Variants in ACOXL observed in about 807,000 individuals in gnomAD.
ACOXL encodes acyl-CoA oxidase like.
A neutral mutation model predicts 71.9 loss-of-function variants in ACOXL; 70 were observed. That is an observed-to-expected ratio of 0.97 (90% CI 0.80 to 1.19). ACOXL has a LOEUF of 1.19. Ranked by LOEUF, ACOXL falls within the 50% of genes most tolerant of loss-of-function variation. The pLI, the probability that ACOXL is intolerant of heterozygous loss-of-function variation, is 0.00. For synonymous variants in ACOXL, 253 were observed against 281.6 expected, an observed-to-expected ratio of 0.90 and a Z score of 1.02; for missense variants, 703 against 736.3, an observed-to-expected ratio of 0.95 and a Z score of 0.52.
intron 15 of ACOXL, among the ~76,000 whole-genome samples, chr2:111,044,199 A>G (rs1330114155): frequency 1.3e-5 from 2 of 152,116 alleles, no homozygotes; most frequent in African/African-American, 4.8e-5. Context: ...CTCCAGGTCT[A>G]CCCTACACTG....
intron 10 of ACOXL, among the ~76,000 whole-genome samples, chr2:110,888,413 GCC>G (rs1046284451): frequency 1.8e-4 from 28 of 152,136 alleles, no homozygotes; most frequent in African/African-American, 6.5e-4. Context: ...CCCAGCAGAG[GCC>G]CCACATGTGG....
intron 14 of ACOXL, among the ~76,000 whole-genome samples, chr2:111,013,755 A>T (rs948232779): frequency 6.6e-6 from 1 of 152,228 alleles, no homozygotes; most frequent in Non-Finnish European, 1.5e-5. Flanking sequence ...AAGACAAAAT[A>T]GTATCAGTCT....
At chr2:110,787,008 G>A (rs995325616) in intron 3 of ACOXL, among the ~76,000 whole-genome samples, 11 of 151,786 alleles carry the variant, frequency 7.2e-5, no homozygotes, top group African/African-American at 2.7e-4. Context: ...ATTCAGGGAA[G>A]ACATGATATG....
rs917756362 is a variant in ACOXL at position 110,749,786 on chromosome 2, C to T, written c.-23+17012C>T. 3.3e-5 allele frequency among the ~76,000 whole-genome samples: 5 copies of T among 152,274 alleles called. No homozygotes were observed. In the East Asian group the frequency reaches 9.6e-4, roughly 29 times the overall value. ...CTTGGTTTGTATTTCTTTAGTTTTC[C>T]CACTGGTGGTCGATTTCTGCTCCAG... On this transcript the variant is annotated intron_variant, in intron 1 of 17. Coordinates refer to ENST00000439055, the MANE Select transcript of ACOXL (RefSeq NM_001142807.4).
intron 11 of ACOXL, among the ~76,000 whole-genome samples, chr2:110,931,442 T>C (rs1415164219): frequency 1.3e-5 from 2 of 152,198 alleles, no homozygotes; most frequent in Non-Finnish European, 2.9e-5. Flanking sequence ...CTGAGAGTCA[T>C]TGTATTATAG....
chr2:110,746,407 A>G lies in ACOXL; in HGVS notation c.-23+13633A>G, dbSNP rs113118626. 2.6e-3 allele frequency among the ~76,000 whole-genome samples: 394 copies of G among 152,166 alleles called. 7 individuals are homozygous for G. The highest frequency in any genetic ancestry group is 9.1e-3 in the African/African-American group (379 of 41,516). On this transcript the variant is annotated intron_variant, in intron 1 of 17. Transcript: ENST00000439055. ...TTGTCCCTAAGTGATCTCAGACCCC[A>G]AGATCCAACTACAATTCAGATTGTA...
chr2:110,836,727 G>C (rs1464327830), intron 9 of ACOXL, among the ~76,000 whole-genome samples: 1 of 152,176 alleles, frequency 6.6e-6, no homozygotes, highest in Non-Finnish European at 1.5e-5. Context: ...AATTCTTTAG[G>C]CCTTTGAAAT....
intron 17 of ACOXL, among the ~76,000 whole-genome samples, chr2:111,095,794 C>G (rs1365048411): frequency 2.0e-5 from 3 of 152,206 alleles, no homozygotes; most frequent in African/African-American, 7.2e-5. Context: ...CACTTTGGAA[C>G]AAGCTTTATC....
chr2:110,910,567 A>G (rs2059617181), intron 11 of ACOXL, among the ~76,000 whole-genome samples: 1 of 152,230 alleles, frequency 6.6e-6, no homozygotes, highest in Non-Finnish European at 1.5e-5. Context: ...CAGGCCCTCA[A>G]GCAACATGTG....
chr2:110,745,230 G>A (rs374725059), intron 1 of ACOXL, among the ~76,000 whole-genome samples: 86 of 152,316 alleles, frequency 5.6e-4, no homozygotes, highest in African/African-American at 2.0e-3. Flanking sequence ...GTCCAGACAG[G>A]CCCTGTCCAC....
chr2:110,952,582 T>C (rs1236360536), intron 12 of ACOXL, among the ~76,000 whole-genome samples: 1 of 152,104 alleles, frequency 6.6e-6, no homozygotes, highest in Non-Finnish European at 1.5e-5. Context: ...GCGTAGCTGG[T>C]ATTACAGGTG....
intron 10 of ACOXL, among the ~76,000 whole-genome samples, chr2:110,895,392 A>C (rs1402027381): frequency 6.6e-6 from 1 of 152,174 alleles, no homozygotes; most frequent in Admixed American, 6.5e-5. Context: ...AGCCTGGAAA[A>C]AAAGGAAATA....
At position 110,765,878 on chromosome 2, in the gene ACOXL, C is replaced by G. The variant is rs193187237; in HGVS notation, c.-22-2490C>G. 1.9e-3 allele frequency among the ~76,000 whole-genome samples: 286 copies of G among 152,332 alleles called. 1 individual carries two copies. The highest frequency in any genetic ancestry group is 6.4e-3 in the African/African-American group (268 of 41,580). ...ATACAAACATTTAGACCATAGCAAT[C>G]TGTCATCAAGTTCACTGATTCTATT... On this transcript the variant is annotated intron_variant, in intron 1 of 17. Coordinates refer to ENST00000439055, the MANE Select transcript of ACOXL (RefSeq NM_001142807.4).
intron 12 of ACOXL, among the ~76,000 whole-genome samples, chr2:110,983,113 C>G (rs2062786964): frequency 6.6e-6 from 1 of 152,306 alleles, no homozygotes; most frequent in Non-Finnish European, 1.5e-5. Context: ...TAATGGATAT[C>G]TGGTGGGATC....
At chr2:110,837,169 C>T (rs2105708890) in intron 9 of ACOXL, among the ~76,000 whole-genome samples, 1 of 152,282 alleles carries the variant, frequency 6.6e-6, no homozygotes, top group East Asian at 1.9e-4. Context: ...CTAGAAAGTT[C>T]TGGACTTGGA....
intron 16 of ACOXL, among the ~76,000 whole-genome samples, chr2:111,073,702 G>T (rs2067454220): frequency 6.6e-6 from 1 of 152,006 alleles, no homozygotes. Flanking sequence ...TAATTCCTCT[G>T]ACTTTATTCA....
chr2:111,006,374 G>C (rs537029903), intron 14 of ACOXL, among the ~76,000 whole-genome samples: 9 of 152,186 alleles, frequency 5.9e-5, no homozygotes, highest in Non-Finnish European at 1.2e-4. Flanking sequence ...AAAGCTATGC[G>C]TGATGGTTCA....
At chr2:110,983,988 C>T (rs1056538134) in intron 12 of ACOXL, among the ~76,000 whole-genome samples, 1 of 152,108 alleles carries the variant, frequency 6.6e-6, no homozygotes, top group African/African-American at 2.4e-5. Flanking sequence ...GGACTATAAG[C>T]ACGCACCACC....
intron 16 of ACOXL, among the ~76,000 whole-genome samples, chr2:111,055,980 T>C (rs946224965): frequency 2.6e-5 from 4 of 152,140 alleles, no homozygotes; most frequent in African/African-American, 7.2e-5. Flanking sequence ...TAAAATAAGT[T>C]GTTCAACAAA....
Sources: gnomAD v4.1 joint callset for allele counts (sites outside exome capture counted in the v4.1 genomes callset) on GRCh38, gnomAD v4.1.1 for gene constraint, MANE v1.5 for transcripts, NCBI Gene and HGNC (gene_info 2026-07-23, HGNC 2026-07-21) for gene names.